Variants in VWA8 observed in about 807,000 individuals in gnomAD.
The protein encoded by VWA8 is von Willebrand factor A domain containing 8, also known as von Willebrand factor A domain-containing protein 8.
In VWA8, 221 loss-of-function variants were observed where a neutral mutation model predicts 241.5. The ratio of observed to expected loss-of-function variants is 0.91; its 90% CI spans 0.82 to 1.02. The LOEUF (loss-of-function observed/expected upper bound fraction) is 1.02. Ranked by LOEUF, VWA8 falls within the 50% of genes least tolerant of loss-of-function variation. The pLI, the probability that VWA8 is intolerant of heterozygous loss-of-function variation, is 0.00. For missense variants in VWA8, 2,322 were observed against 2,328.7 expected, an observed-to-expected ratio of 1.00 and a Z score of 0.06; for synonymous variants, 852 against 827.1, an observed-to-expected ratio of 1.03 and a Z score of -0.52.
chr13:41,912,264 G>T, intron 2 of VWA8, 96 bp from the exon 3 acceptor site: 1 of 785,754 alleles, frequency 1.3e-6, no homozygotes. Context: ...TATATATAAC[G>T]TATATAAAAT....
intron 38 of VWA8, 78 bp from the exon 39 acceptor site, chr13:41,611,810 C>G: frequency 6.5e-7 from 1 of 1,544,424 alleles, no homozygotes; most frequent in South Asian, 1.2e-5. Context: ...GGTTTTAGGA[C>G]AGCCTTGTGG....
At chr13:41,575,329 A>G (rs182003870) in intron 43 of VWA8, among the ~76,000 whole-genome samples, 147 of 151,732 alleles carry the variant, frequency 9.7e-4, no homozygotes, top group Admixed American at 6.4e-3. Flanking sequence ...TGCTCGGGTG[A>G]TGGGTACACT....
intron 37 of VWA8, among the ~76,000 whole-genome samples, chr13:41,621,079 AC>A (rs1380863661): frequency 6.6e-6 from 1 of 152,182 alleles, no homozygotes; most frequent in Non-Finnish European, 1.5e-5. Context: ...GTTTGACATA[AC>A]TTTTCAACTT....
intron 20 of VWA8, among the ~76,000 whole-genome samples, chr13:41,764,404 T>C (rs1201140949): frequency 2.6e-5 from 4 of 152,144 alleles, no homozygotes; most frequent in Non-Finnish European, 4.4e-5. Context: ...ATTACAGCAC[T>C]GTACTAGTTG....
intron 40 of VWA8, among the ~76,000 whole-genome samples, chr13:41,601,749 T>C (rs2044522777): frequency 6.6e-6 from 1 of 152,066 alleles, no homozygotes; most frequent in Non-Finnish European, 1.5e-5. Flanking sequence ...GTGATAGCTA[T>C]CTTAATCGAG....
chr13:41,697,686 G>A (rs2045223933), intron 29 of VWA8, among the ~76,000 whole-genome samples: 1 of 152,192 alleles, frequency 6.6e-6, no homozygotes, highest in Admixed American at 6.5e-5. Context: ...TGATCTGACA[G>A]GAGGTGGAGC....
intron 37 of VWA8, among the ~76,000 whole-genome samples, chr13:41,645,695 T>TA (rs924796912): frequency 2.0e-5 from 3 of 152,156 alleles, no homozygotes; most frequent in Admixed American, 6.5e-5. Flanking sequence ...ATGGATACCT[T>TA]AAAAAAACGA....
At chr13:41,703,080 A>G (rs1443492190) in intron 27 of VWA8, among the ~76,000 whole-genome samples, 2 of 152,164 alleles carry the variant, frequency 1.3e-5, no homozygotes, top group African/African-American at 4.8e-5. Flanking sequence ...TCCTAGGAAA[A>G]TATGTAACAT....
Position 41,947,286 on chromosome 13 carries a change from A to G in VWA8, c.241+2650T>C, listed in dbSNP as rs538657525. On this transcript the variant is annotated intron_variant, in intron 2 of 44. Coordinates refer to ENST00000379310, the MANE Select transcript of VWA8 (RefSeq NM_015058.2). The stretch of plus-strand genomic sequence containing the variant: ...AGTGGAAGAATCTGAAGAGTGAACA[A>G]AAAGCTATTCTATATCATGACCAAT... 3.3e-5 allele frequency among the ~76,000 whole-genome samples: 5 copies of G among 152,340 alleles called. No individual in the cohort carries two copies. The South Asian group carries it at 1.0e-3, about 32-fold the overall frequency.
chr13:41,634,522 G>A (rs545149396), intron 37 of VWA8, among the ~76,000 whole-genome samples: 7 of 152,228 alleles, frequency 4.6e-5, no homozygotes, highest in South Asian at 4.1e-4. Context: ...TAAGAGAAAC[G>A]TTTTAAATGA....
chr13:41,568,405 A>G (rs763605587), intron 44 of VWA8, 100 bp from the exon 45 acceptor site: 2 of 908,634 alleles, frequency 2.2e-6, no homozygotes. Flanking sequence ...TTCTTAGGAA[A>G]GGAAGTTTTT....
intron 4 of VWA8, among the ~76,000 whole-genome samples, chr13:41,897,619 C>T (rs1403419836): frequency 6.6e-6 from 1 of 151,972 alleles, no homozygotes; most frequent in Non-Finnish European, 1.5e-5. Flanking sequence ...AGAATGAAGC[C>T]GCAGACCCTC....
intron 26 of VWA8, 171 bp downstream of exon 26, chr13:41,719,419 TA>T (rs1440017555): frequency 5.4e-5 from 78 of 1,443,068 alleles, no homozygotes; most frequent in Non-Finnish European, 6.4e-5. Context: ...TTTACAGGCC[TA>T]TAAATAATGC....
At chr13:41,777,735 G>A (rs1868671724) in intron 20 of VWA8, among the ~76,000 whole-genome samples, 1 of 152,184 alleles carries the variant, frequency 6.6e-6, no homozygotes, top group African/African-American at 2.4e-5. Flanking sequence ...TGGGGCTAGA[G>A]TGACAGATGT....
chr13:41,668,669 A>G (rs2045002624), intron 37 of VWA8, among the ~76,000 whole-genome samples: 1 of 152,190 alleles, frequency 6.6e-6, no homozygotes, highest in Non-Finnish European at 1.5e-5. Flanking sequence ...AAGAACAATT[A>G]AATAAGCTGT....
At chr13:41,601,081 C>T (rs1337170647) in intron 40 of VWA8, among the ~76,000 whole-genome samples, 1 of 152,114 alleles carries the variant, frequency 6.6e-6, no homozygotes, top group Non-Finnish European at 1.5e-5. Flanking sequence ...GCTGTGCCCT[C>T]TTCTGGGGCG....
chr13:41,705,211 A>T (rs2045275144), intron 26 of VWA8, among the ~76,000 whole-genome samples: 1 of 150,090 alleles, frequency 6.7e-6, no homozygotes, highest in Admixed American at 6.6e-5. Context: ...CATCTAAAAT[A>T]TATTTTAAGT....
At chr13:41,695,164 C>T (rs1285821421) in intron 29 of VWA8, among the ~76,000 whole-genome samples, 1 of 152,050 alleles carries the variant, frequency 6.6e-6, no homozygotes, top group East Asian at 1.9e-4. Flanking sequence ...TTGTATTTAA[C>T]TGGGAGAAAA....
At chr13:41,819,087 G>A (rs956234869) in intron 15 of VWA8, 131 bp downstream of exon 15, 1 of 887,416 alleles carries the variant, frequency 1.1e-6, no homozygotes. Flanking sequence ...CTTCACCACT[G>A]TATGAAGAAA....
Sources: gnomAD v4.1 joint callset for allele counts (sites outside exome capture counted in the v4.1 genomes callset) on GRCh38, gnomAD v4.1.1 for gene constraint, MANE v1.5 for transcripts, NCBI Gene and HGNC (gene_info 2026-07-23, HGNC 2026-07-21) for gene names.